Variants in KCNQ3 observed in about 807,000 individuals in gnomAD.
KCNQ3 encodes potassium voltage-gated channel subfamily KQT member 3.
A neutral mutation model predicts 92.5 loss-of-function variants in KCNQ3; 30 were observed. The ratio of observed to expected loss-of-function variants is 0.32; its 90% CI spans 0.24 to 0.44. The LOEUF (loss-of-function observed/expected upper bound fraction) is 0.44, where lower values mean the gene tolerates loss of function less well. Ranked by LOEUF, KCNQ3 falls within the 20% of genes least tolerant of loss-of-function variation. The pLI is 1.00. For missense variants in KCNQ3, 913 were observed against 1,140.3 expected (o/e 0.80, Z 2.87); for synonymous variants, 450 against 468.8 (o/e 0.96, Z 0.52).
chr8:132,319,047 A>G (rs143915586), intron 1 of KCNQ3, among the ~76,000 whole-genome samples: 47 of 152,334 alleles, frequency 3.1e-4, no homozygotes, highest in African/African-American at 1.1e-3. Context: ...TGTTGGCTCC[A>G]GAGAATTTAA....
chr8:132,365,178 G>A (rs1405869195), intron 1 of KCNQ3, among the ~76,000 whole-genome samples: 1 of 152,196 alleles, frequency 6.6e-6, no homozygotes, highest in African/African-American at 2.4e-5. Flanking sequence ...GCCACAGTGA[G>A]AGCATAAAAA....
At position 132,291,124 on chromosome 8, in the gene KCNQ3, T is replaced by A. The variant is rs564825758; in HGVS notation, c.387-104943A>T. Among the ~76,000 whole-genome samples the A allele has an allele frequency of 4.9e-4, 75 of 152,206 alleles. 1 individual carries two copies. Among genetic ancestry groups the A allele is most frequent in the African/African-American group, 1.8e-3 (74 of 41,544 alleles). On this transcript the variant is annotated intron_variant, in intron 1 of 14. Coordinates refer to ENST00000388996, the MANE Select transcript of KCNQ3 (RefSeq NM_004519.4). ...TTTTGTACAGTAAGCCAGACTAGGGTGGGAGGAAAGGGAGACAGCAAATTG... is the reference window on the plus strand; with the variant it reads ...TTTTGTACAGTAAGCCAGACTAGGGAGGGAGGAAAGGGAGACAGCAAATTG...
chr8:132,429,251 C>T (rs1192365541), intron 1 of KCNQ3, among the ~76,000 whole-genome samples: 2 of 152,178 alleles, frequency 1.3e-5, no homozygotes, highest in Admixed American at 6.5e-5. Context: ...CTTATCATTG[C>T]AGGCTTAACA....
At chr8:132,369,171 A>G (rs1313459561) in intron 1 of KCNQ3, among the ~76,000 whole-genome samples, 1 of 152,170 alleles carries the variant, frequency 6.6e-6, no homozygotes, top group Non-Finnish European at 1.5e-5. Context: ...TATCAAGAGT[A>G]CATACTATTA....
chr8:132,382,754 T>C (rs1424660549), intron 1 of KCNQ3, among the ~76,000 whole-genome samples: 3 of 152,022 alleles, frequency 2.0e-5, no homozygotes, highest in Non-Finnish European at 4.4e-5. Flanking sequence ...GGGAAGGGAA[T>C]AGGAGAAGGG....
chr8:132,205,617 C>T (rs1392309361), intron 1 of KCNQ3, among the ~76,000 whole-genome samples: 1 of 152,230 alleles, frequency 6.6e-6, no homozygotes, highest in Non-Finnish European at 1.5e-5. Context: ...GTTTTTGTGA[C>T]TCAGGCTAAG....
intron 9 of KCNQ3, among the ~76,000 whole-genome samples, chr8:132,160,162 A>G (rs1260908000): frequency 6.6e-6 from 1 of 152,148 alleles, no homozygotes; most frequent in Non-Finnish European, 1.5e-5. Context: ...GGCTACATAA[A>G]ATGTGAGATA....
chr8:132,147,282 C>T (rs772029605), intron 9 of KCNQ3, among the ~76,000 whole-genome samples: 2 of 152,134 alleles, frequency 1.3e-5, no homozygotes, highest in Non-Finnish European at 2.9e-5. Flanking sequence ...AAATAACCAC[C>T]CCTGGTTTCT....
At chr8:132,163,569 G>A in intron 8 of KCNQ3, 75 bp from the exon 9 acceptor site, 1 of 1,218,644 alleles carries the variant, frequency 8.2e-7, no homozygotes, top group Non-Finnish European at 1.2e-6. Context: ...AAAGATTGCT[G>A]CAAAGCTTCT....
At chr8:132,273,437 ACCCTGGGCCCAGC>A (rs1816225414) in intron 1 of KCNQ3, among the ~76,000 whole-genome samples, 1 of 152,004 alleles carries the variant, frequency 6.6e-6, no homozygotes, top group Non-Finnish European at 1.5e-5. Context: ...CAGCATGGGG[ACCCTGGGCCCAGC>A]CCATGAAACC....
At chr8:132,187,255 G>A (rs1268537059) in intron 1 of KCNQ3, 10 of 455,822 alleles carry the variant, frequency 2.2e-5, no homozygotes, top group African/African-American at 4.0e-5. Flanking sequence ...CAGACGTTGC[G>A]CATACAGAGC....
At chr8:132,478,293 G>C (rs543866103) in intron 1 of KCNQ3, among the ~76,000 whole-genome samples, 1 of 152,290 alleles carries the variant, frequency 6.6e-6, no homozygotes, top group East Asian at 1.9e-4. Context: ...GGCAGGGCTG[G>C]AGGTGCTGGC....
intron 1 of KCNQ3, among the ~76,000 whole-genome samples, chr8:132,295,058 G>C (rs1385415580): frequency 6.6e-6 from 1 of 152,186 alleles, no homozygotes; most frequent in African/African-American, 2.4e-5. Context: ...AAACTAAAGA[G>C]CTTCTGCACA....
At chr8:132,451,545 G>A (rs1821822026) in intron 1 of KCNQ3, among the ~76,000 whole-genome samples, 1 of 152,200 alleles carries the variant, frequency 6.6e-6, no homozygotes, top group Admixed American at 6.5e-5. Flanking sequence ...ATCAGTAGGT[G>A]CTCACTAAAT....
intron 9 of KCNQ3, among the ~76,000 whole-genome samples, chr8:132,159,867 A>T (rs1825930695): frequency 6.6e-6 from 1 of 152,098 alleles, no homozygotes; most frequent in East Asian, 1.9e-4. Context: ...CCATTCATCC[A>T]TCCATCCATC....
At chr8:132,234,152 A>T (rs1425623272) in intron 1 of KCNQ3, among the ~76,000 whole-genome samples, 1 of 152,162 alleles carries the variant, frequency 6.6e-6, no homozygotes, top group Non-Finnish European at 1.5e-5. Flanking sequence ...TGCACAGAAG[A>T]AATGACTCTG....
At chr8:132,185,518 G>T (rs1826931949) in intron 2 of KCNQ3, among the ~76,000 whole-genome samples, 1 of 152,170 alleles carries the variant, frequency 6.6e-6, no homozygotes, top group South Asian at 2.1e-4. Context: ...CATTTTTTAG[G>T]CAAGGACTTG....
chr8:132,323,912 C>T (rs1324964821), intron 1 of KCNQ3, among the ~76,000 whole-genome samples: 6 of 152,178 alleles, frequency 3.9e-5, no homozygotes, highest in Admixed American at 6.5e-5. Context: ...AGGAAGCACG[C>T]GTTCTGACCT....
At chr8:132,161,457 C>T (rs1029422451) in intron 9 of KCNQ3, among the ~76,000 whole-genome samples, 6 of 151,916 alleles carry the variant, frequency 3.9e-5, no homozygotes, top group Non-Finnish European at 5.9e-5. Flanking sequence ...GGTGAAACCC[C>T]GTCTCTACTA....
Sources: gnomAD v4.1 joint callset for allele counts (sites outside exome capture counted in the v4.1 genomes callset) on GRCh38, gnomAD v4.1.1 for gene constraint, MANE v1.5 for transcripts, NCBI Gene and HGNC (gene_info 2026-07-23, HGNC 2026-07-21) for gene names.